The following EPB41L4A variants were observed in gnomAD, a reference collection of about 807,000 sequenced individuals.
The protein encoded by EPB41L4A is erythrocyte membrane protein band 4.1 like 4A.
A neutral mutation model predicts 108.6 loss-of-function variants in EPB41L4A; 100 were observed. The ratio of observed to expected loss-of-function variants is 0.92; its 90% CI spans 0.78 to 1.09. EPB41L4A has a LOEUF of 1.09. Among genes scored for constraint, EPB41L4A ranks in the 50% least tolerant of loss-of-function variants. EPB41L4A has a pLI of 0.00. For missense variants in EPB41L4A, 1,030 were observed against 842.7 expected (o/e 1.22, Z -2.75); for synonymous variants, 319 against 289.0 (o/e 1.10, Z -1.05).
At chr5:112,201,871 G>T (rs78476957) in intron 15 of EPB41L4A, among the ~76,000 whole-genome samples, 7,057 of 152,194 alleles carry the variant, frequency 0.046, 190 homozygotes, top group South Asian at 0.078. Context: ...AATCCCATGT[G>T]TGCCACAGAG....
chr5:112,255,011 C>G (rs775294706), intron 9 of EPB41L4A, among the ~76,000 whole-genome samples: 1 of 152,126 alleles, frequency 6.6e-6, no homozygotes, highest in African/African-American at 2.4e-5. Context: ...TCTTCCATCT[C>G]TGAACCTAAA....
At chr5:112,295,434 C>T (rs62364141) in intron 2 of EPB41L4A, among the ~76,000 whole-genome samples, 10,434 of 152,228 alleles carry the variant, frequency 0.069, 433 homozygotes, top group Middle Eastern at 0.088. Context: ...TCCATATACA[C>T]TCTATTCCAA....
intron 1 of EPB41L4A, among the ~76,000 whole-genome samples, chr5:112,352,236 A>T (rs1376808636): frequency 2.0e-5 from 3 of 152,134 alleles, no homozygotes; most frequent in African/African-American, 7.2e-5. Context: ...AAATATTTCT[A>T]CTTTTTTGAT....
chr5:112,344,670 T>C (rs974955870), intron 1 of EPB41L4A, among the ~76,000 whole-genome samples: 7 of 152,230 alleles, frequency 4.6e-5, no homozygotes, highest in Non-Finnish European at 1.0e-4. Context: ...TTGAGGCTTC[T>C]GGGAGAAGAA....
At chr5:112,277,724 T>C (rs944588120) in intron 3 of EPB41L4A, among the ~76,000 whole-genome samples, 1 of 152,208 alleles carries the variant, frequency 6.6e-6, no homozygotes, top group Non-Finnish European at 1.5e-5. Context: ...AATACTCTCA[T>C]ATGCATCACT....
At chr5:112,341,575 T>C (rs1323259888) in intron 1 of EPB41L4A, among the ~76,000 whole-genome samples, 2 of 152,200 alleles carry the variant, frequency 1.3e-5, no homozygotes, top group Non-Finnish European at 2.9e-5. Flanking sequence ...ACATCTTTGT[T>C]GATGGTTCAC....
intron 1 of EPB41L4A, among the ~76,000 whole-genome samples, chr5:112,390,487 G>A (rs1018613266): frequency 2.0e-5 from 3 of 152,144 alleles, no homozygotes; most frequent in Non-Finnish European, 4.4e-5. Context: ...GACAGCCTGG[G>A]TGGGGGAGTG....
chr5:112,314,737 G>A (rs967694942), intron 1 of EPB41L4A, among the ~76,000 whole-genome samples: 2 of 151,766 alleles, frequency 1.3e-5, no homozygotes, highest in Non-Finnish European at 2.9e-5. Context: ...AGGTTGCAGT[G>A]AGCCGAGACT....
rs573916155 is a variant in EPB41L4A at position 112,322,866 on chromosome 5, C to T, written c.100-15376G>A. On this transcript the variant is annotated intron_variant, in intron 1 of 22. Coordinates refer to ENST00000261486, the MANE Select transcript of EPB41L4A (RefSeq NM_022140.5). ...AATAACAACCCATGTAAGGGGTCTC[C>T]GCAACTTGAATGAGAGAGACCAAGA... is the stretch of plus-strand genomic sequence containing the variant. 1.1e-4 allele frequency among the ~76,000 whole-genome samples: 16 copies of T among 151,898 alleles called. No individual in the cohort carries two copies. In the East Asian group the frequency reaches 1.8e-3, roughly 17 times the overall value.
intron 11 of EPB41L4A, among the ~76,000 whole-genome samples, chr5:112,239,278 G>C (rs1482868348): frequency 1.3e-5 from 2 of 152,172 alleles, no homozygotes; most frequent in Non-Finnish European, 2.9e-5. Flanking sequence ...AATATAAAAA[G>C]TATAGATTGT....
chr5:112,419,878 C>A (rs1762990551), upstream of EPB41L4A: 1 of 456,650 alleles, frequency 2.2e-6, no homozygotes, highest in African/African-American at 2.0e-5. Flanking sequence ...GAATGCCTGC[C>A]GCGGCGGCGG....
At chr5:112,157,296 T>G (rs945196294) in intron 12 of EPB41L4A, among the ~76,000 whole-genome samples, 1 of 152,208 alleles carries the variant, frequency 6.6e-6, no homozygotes, top group South Asian at 2.1e-4. Context: ...TTAATTATTT[T>G]AAAATGAAAT....
At chr5:112,362,646 T>C (rs1338185102) in intron 1 of EPB41L4A, among the ~76,000 whole-genome samples, 1 of 152,108 alleles carries the variant, frequency 6.6e-6, no homozygotes, top group Non-Finnish European at 1.5e-5. Flanking sequence ...AGCAATTCCA[T>C]AAAAGTTAAT....
intron 12 of EPB41L4A, among the ~76,000 whole-genome samples, chr5:112,230,638 G>A (rs1409843447): frequency 6.6e-6 from 1 of 152,076 alleles, no homozygotes; most frequent in African/African-American, 2.4e-5. Context: ...TCCTTTGCTG[G>A]ATGCATAGTT....
intron 18 of EPB41L4A, among the ~76,000 whole-genome samples, chr5:112,182,653 G>C (rs1761214996): frequency 1.3e-5 from 2 of 152,134 alleles, no homozygotes; most frequent in African/African-American, 4.8e-5. Context: ...GTCCTTCATA[G>C]AAAACTATTC....
Position 112,278,573 on chromosome 5 carries a change from T to C in EPB41L4A, c.256+1699A>G, listed in dbSNP as rs185315915. 3.9e-5 allele frequency among the ~76,000 whole-genome samples: 6 copies of C among 152,160 alleles called. No individual in the cohort carries two copies. In the East Asian group the frequency reaches 7.7e-4, roughly 20 times the overall value. ...CTTATGCAAATTTTTAATATTGCAT[T>C]TTTAGAATGAAAAAGTGACTGCATT... On this transcript the variant is annotated intron_variant, in intron 3 of 22. Coordinates refer to ENST00000261486, the MANE Select transcript of EPB41L4A (RefSeq NM_022140.5).
chr5:112,181,912 A>C (rs532352368), intron 18 of EPB41L4A, among the ~76,000 whole-genome samples: 1 of 152,236 alleles, frequency 6.6e-6, no homozygotes, highest in African/African-American at 2.4e-5. Flanking sequence ...ATCTCTACTG[A>C]AAATAGAAAA....
chr5:112,247,147 T>C (rs536996445), intron 9 of EPB41L4A, among the ~76,000 whole-genome samples: 3 of 152,298 alleles, frequency 2.0e-5, no homozygotes, highest in East Asian at 3.9e-4. Context: ...TTGTATAACA[T>C]GCACATGGTA....
chr5:112,260,613 A>G (rs1450331167), intron 7 of EPB41L4A, among the ~76,000 whole-genome samples: 1 of 152,228 alleles, frequency 6.6e-6, no homozygotes, highest in African/African-American at 2.4e-5. Flanking sequence ...ACTTCCACCT[A>G]TAACTTTAAG....
Sources: allele counts gnomAD v4.1 joint callset (sites outside exome capture counted in the v4.1 genomes callset), GRCh38; gene constraint gnomAD v4.1.1; transcripts MANE v1.5; gene names NCBI Gene and HGNC (gene_info 2026-07-23, HGNC 2026-07-21).